The following CSMD2 variants were observed in gnomAD, a reference collection of about 807,000 sequenced individuals.
The protein encoded by CSMD2 is CUB and sushi domain-containing protein 2.
Under a neutral mutation model 398.5 loss-of-function variants are expected in CSMD2, and 130 were observed. That is an observed-to-expected ratio of 0.33 (90% confidence interval 0.28 to 0.38). The LOEUF (loss-of-function observed/expected upper bound fraction) is 0.38, where lower values mean the gene tolerates loss of function less well. Ranked by LOEUF, CSMD2 falls within the 10% of genes least tolerant of loss-of-function variation. The pLI is 1.00. For missense variants in CSMD2, 3,829 were observed against 4,764.9 expected, an observed-to-expected ratio of 0.80 and a Z score of 5.78; for synonymous variants, 1,828 against 1,908.5, an observed-to-expected ratio of 0.96 and a Z score of 1.10.
intron 3 of CSMD2, among the ~76,000 whole-genome samples, chr1:34,002,552 C>G (rs535776911): frequency 6.6e-6 from 1 of 152,242 alleles, no homozygotes; most frequent in East Asian, 1.9e-4. Flanking sequence ...GGGGTTGGGG[C>G]GACTTAAGTG....
chr1:33,647,638 C>T (rs1643527302), intron 28 of CSMD2, among the ~76,000 whole-genome samples: 1 of 152,162 alleles, frequency 6.6e-6, no homozygotes, highest in South Asian at 2.1e-4. Context: ...GACAAGATAT[C>T]AGCTTGAAAA....
intron 1 of CSMD2, among the ~76,000 whole-genome samples, chr1:34,097,155 A>G (rs1239158652): frequency 1.3e-4 from 19 of 147,432 alleles, no homozygotes; most frequent in Non-Finnish European, 2.0e-4. Context: ...AAAACAAGCA[A>G]TGGGGAAAGG....
intron 5 of CSMD2, among the ~76,000 whole-genome samples, chr1:33,878,539 C>G (rs989766550): frequency 3.9e-5 from 6 of 152,220 alleles, no homozygotes; most frequent in African/African-American, 2.4e-5. Context: ...GCCATCTGCT[C>G]CCCGCATTGA....
At chr1:33,629,980 C>T (rs1004068496) in intron 32 of CSMD2, among the ~76,000 whole-genome samples, 1 of 151,972 alleles carries the variant, frequency 6.6e-6, no homozygotes, top group African/African-American at 2.4e-5. Flanking sequence ...GCAGGTAGAT[C>T]ACTTGAGGTC....
rs139649008 is a variant in CSMD2 at position 33,652,325 on chromosome 1, G to T, written c.4584C>A (p.Asn1528Lys). 2.5e-6 allele frequency: 4 copies of T among 1,613,986 alleles called. No individual in the cohort carries two copies. The African/African-American group carries it at 5.3e-5, about 22-fold the overall frequency. ...CCACCCGGGGGAAAGGTACATACAT[G>T]TTAAATACCAGGGCGATGACGTAGT... is the stretch of plus-strand genomic sequence containing the variant. ...SPDYVIALVF[N>K]IFNLEPGYDF... Residue 1528 changes from asparagine to lysine, a missense_variant and splice_region_variant, in exon 28 of 71, where the codon AAC becomes AAA. Around this residue, in one of 5 missense-constraint regions of CSMD2, gnomAD observed 2,001 missense variants for 2,567.1 expected, o/e 0.78. Transcript: ENST00000373381.
chr1:34,000,814 G>A (rs1307611129), intron 3 of CSMD2, among the ~76,000 whole-genome samples: 1 of 152,072 alleles, frequency 6.6e-6, no homozygotes, highest in Non-Finnish European at 1.5e-5. Context: ...TCAAAGAAAA[G>A]TTTCAAGGAC....
At chr1:34,017,834 C>T (rs1269318978) in intron 3 of CSMD2, among the ~76,000 whole-genome samples, 1 of 152,188 alleles carries the variant, frequency 6.6e-6, no homozygotes, top group Non-Finnish European at 1.5e-5. Context: ...CCTCCAAGAT[C>T]CAGAGTCTAT....
chr1:33,606,192 T>G (rs1640594987), intron 41 of CSMD2, among the ~76,000 whole-genome samples: 1 of 152,142 alleles, frequency 6.6e-6, no homozygotes, highest in South Asian at 2.1e-4. Flanking sequence ...AGGCCTTTGA[T>G]GAATTGGGTC....
intron 5 of CSMD2, among the ~76,000 whole-genome samples, chr1:33,911,837 C>T (rs1348198677): frequency 5.3e-5 from 8 of 152,238 alleles, no homozygotes; most frequent in South Asian, 2.1e-4. Context: ...GCCAGAGCCC[C>T]GGGGTGGGTG....
chr1:33,880,297 G>T (rs1641145586), intron 5 of CSMD2, among the ~76,000 whole-genome samples: 1 of 152,102 alleles, frequency 6.6e-6, no homozygotes, highest in Admixed American at 6.5e-5. Flanking sequence ...TTTGAGGGAG[G>T]ACATAAAGCT....
chr1:33,545,944 T>C, intron 57 of CSMD2, 93 bp downstream of exon 57: 2 of 1,281,586 alleles, frequency 1.6e-6, no homozygotes, highest in East Asian at 2.4e-5. Context: ...ACGGTTTTTT[T>C]CTGTGAGCGC....
At chr1:34,050,673 C>A (rs1337209797) in intron 2 of CSMD2, among the ~76,000 whole-genome samples, 1 of 152,200 alleles carries the variant, frequency 6.6e-6, no homozygotes, top group African/African-American at 2.4e-5. Flanking sequence ...CCAGGATTCA[C>A]AAGTCTAGAA....
chr1:33,706,890 C>T (rs777698743), intron 22 of CSMD2, among the ~76,000 whole-genome samples: 5 of 150,934 alleles, frequency 3.3e-5, no homozygotes, highest in South Asian at 2.1e-4. Flanking sequence ...TTTGTGTATG[C>T]GTGTGTGTGT....
At chr1:33,864,748 G>A (rs1639853578) in intron 5 of CSMD2, 1 of 1,601,582 alleles carries the variant, frequency 6.2e-7, no homozygotes, top group Non-Finnish European at 8.5e-7. Context: ...GTCAGGCAGA[G>A]CTGATGGATC....
rs774306793 is a variant in CSMD2, at chr1:33,521,677, C to A, written c.10510-127G>T. 1.3e-5 allele frequency: 9 copies of A among 713,902 alleles called. No individual in the cohort carries two copies. The Admixed American group carries it at 1.5e-4, about 12-fold the overall frequency. The allele number at this position is 713,902 out of a possible 1,614,324, so 44.2% of individuals were successfully genotyped here. ...GCTGCTCTGACACACAGGGTTTGTT[C>A]TCTGCCCACACCTAGGCAAGGGTGG... On this transcript the variant is annotated intron_variant, in intron 67 of 70. Transcript: ENST00000373381.
At chr1:34,137,436 C>T (rs1057067122) in intron 1 of CSMD2, among the ~76,000 whole-genome samples, 4 of 152,320 alleles carry the variant, frequency 2.6e-5, no homozygotes, top group Middle Eastern at 3.4e-3. Flanking sequence ...CAGATTCCCC[C>T]GCTGGTCTCT....
intron 13 of CSMD2, among the ~76,000 whole-genome samples, chr1:33,767,409 AGTCTCTGTCAAGTATTG>A (rs1282624757): frequency 6.6e-6 from 1 of 152,216 alleles, no homozygotes; most frequent in Non-Finnish European, 1.5e-5. Flanking sequence ...ACATACCAAA[AGTCTCTGTCAAGTATTG>A]GCCCTTGAGC....
chr1:33,974,680 C>T (rs1285823600), intron 3 of CSMD2, among the ~76,000 whole-genome samples: 1 of 152,120 alleles, frequency 6.6e-6, no homozygotes, highest in African/African-American at 2.4e-5. Context: ...CATCTCAGCA[C>T]AGGGCTCGAC....
At chr1:33,714,277 T>G (rs1646087680) in intron 21 of CSMD2, among the ~76,000 whole-genome samples, 1 of 152,232 alleles carries the variant, frequency 6.6e-6, no homozygotes, top group Non-Finnish European at 1.5e-5. Context: ...GTCTGTGTGC[T>G]GAGGGTGGGG....
Sources: gnomAD v4.1 joint callset for allele counts (sites outside exome capture counted in the v4.1 genomes callset) on GRCh38, gnomAD v4.1.1 for gene constraint, gnomAD v4.1.1 regional missense constraint, MANE v1.5 for transcripts, NCBI Gene and HGNC (gene_info 2026-07-23, HGNC 2026-07-21) for gene names.